ADAR: variants seen among roughly 807,000 people sequenced by gnomAD.
The protein encoded by ADAR is adenosine deaminase RNA specific, also known as double-stranded RNA-specific adenosine deaminase.
ADAR carries 41 observed loss-of-function variants against 113.2 expected under a neutral mutation model. The ratio of observed to expected loss-of-function variants is 0.36; its 90% CI spans 0.28 to 0.47. The LOEUF (loss-of-function observed/expected upper bound fraction) is 0.47, where lower values mean the gene tolerates loss of function less well. Among genes scored for constraint, ADAR ranks in the 20% least tolerant of loss-of-function variants. ADAR has a pLI of 1.00. For missense variants in ADAR, 1,242 were observed against 1,540.9 expected, an observed-to-expected ratio of 0.81 and a Z score of 3.25; for synonymous variants, 605 against 572.6, an observed-to-expected ratio of 1.06 and a Z score of -0.81.
chr1:154,585,632 C>T, intron 13 of ADAR, 121 bp downstream of exon 13: 1 of 973,180 alleles, frequency 1.0e-6, no homozygotes, highest in South Asian at 1.4e-5. Context: ...GGGCAATGTT[C>T]CCTTGTGGGC....
intron 2 of ADAR, among the ~76,000 whole-genome samples, chr1:154,599,071 T>G (rs1365677711): frequency 6.6e-6 from 1 of 152,234 alleles, no homozygotes; most frequent in Non-Finnish European, 1.5e-5. Context: ...CTGCCACTTA[T>G]CAGTGGCCTG....
intron 6 of ADAR, among the ~76,000 whole-genome samples, chr1:154,594,240 C>CT (rs1557875983): frequency 1.3e-5 from 2 of 152,150 alleles, no homozygotes; most frequent in Non-Finnish European, 2.9e-5. Flanking sequence ...TTTTTATAAG[C>CT]TTTTTTCCTT....
At position 154,582,515 on chromosome 1, in the gene ADAR, C is replaced by G. The variant is rs147198769; in HGVS notation, c.*2291G>C. 6.6e-6 allele frequency: 1 copy of G among 151,948 alleles called. No individual in the cohort carries two copies. Among genetic ancestry groups the G allele is most frequent in the African/African-American group, 2.4e-5 (1 of 41,340 alleles). The allele number at this position is 151,948 out of a possible 1,614,324, so 9.4% of individuals were successfully genotyped here. On this transcript the variant is annotated 3_prime_UTR_variant, in exon 15 of 15. Transcript: ENST00000368474. The stretch of plus-strand genomic sequence containing the variant: ...CAGGGATGTGCGATCTGACACGGCT[C>G]GTTTCCAGCAGATGCGTGGAATTCA...
intron 11 of ADAR, 21 bp downstream of exon 11, chr1:154,588,104 G>T (rs1696883113): frequency 6.2e-7 from 1 of 1,612,814 alleles, no homozygotes; most frequent in African/African-American, 1.3e-5. Flanking sequence ...AGGAAAGGAG[G>T]CGGGGGCATG....
chr1:154,588,895 G>A (rs775392046), intron 9 of ADAR, among the ~76,000 whole-genome samples: 6 of 152,162 alleles, frequency 3.9e-5, no homozygotes, highest in Admixed American at 6.5e-5. Flanking sequence ...TCGCTATGGC[G>A]GCTACAGGGA....
intron 11 of ADAR, among the ~76,000 whole-genome samples, chr1:154,587,462 A>G (rs887762466): frequency 1.3e-5 from 2 of 152,140 alleles, no homozygotes; most frequent in African/African-American, 2.4e-5. Flanking sequence ...GAACATTCAC[A>G]TATTAGTTTC....
At chr1:154,599,497 T>C (rs576666157) in intron 2 of ADAR, among the ~76,000 whole-genome samples, 85 of 152,124 alleles carry the variant, frequency 5.6e-4, no homozygotes, top group Non-Finnish European at 1.1e-3. Flanking sequence ...CTTGCCAGCT[T>C]TTGGACAGAC....
intron 1 of ADAR, among the ~76,000 whole-genome samples, chr1:154,617,844 T>G (rs1246328181): frequency 6.6e-6 from 1 of 151,966 alleles, no homozygotes; most frequent in Non-Finnish European, 1.5e-5. Flanking sequence ...TGGAAATTCT[T>G]ACATATTCTA....
intron 6 of ADAR, among the ~76,000 whole-genome samples, chr1:154,590,788 A>T (rs868619343): frequency 0.11 from 211 of 1,948 alleles, no homozygotes; most frequent in African/African-American, 0.19. Flanking sequence ...CTGTCTCTTA[A>T]AAAAAAAAAA....
chr1:154,585,430 AG>A (rs1307069849), intron 13 of ADAR, 86 bp from the exon 14 acceptor site: 2 of 1,594,744 alleles, frequency 1.3e-6, no homozygotes, highest in Non-Finnish European at 8.6e-7. Context: ...CATAGGAGAG[AG>A]GAAGTGTGGG....
intron 2 of ADAR, 59 bp downstream of exon 2, chr1:154,600,982 C>A: frequency 6.2e-7 from 1 of 1,607,244 alleles, no homozygotes; most frequent in Non-Finnish European, 8.5e-7. Context: ...GCCAAGACTG[C>A]GTCAGGAGCA....
chr1:154,583,100 T>C lies in ADAR; in HGVS notation c.*1706A>G, dbSNP rs1416923437. 1.3e-5 allele frequency: 2 copies of C among 152,264 alleles called. No homozygotes were observed. Among genetic ancestry groups the C allele is most frequent in the African/African-American group, 4.8e-5 (2 of 41,464 alleles). The allele number at this position is 152,264 out of a possible 1,614,324, so 9.4% of individuals were successfully genotyped here. ...TTGGAGGGAAATCATCTGAGGGTGCTGGCTCAGCACGTTCCCAGATGAAGG... is the reference window on the plus strand; with the variant it reads ...TTGGAGGGAAATCATCTGAGGGTGCCGGCTCAGCACGTTCCCAGATGAAGG... On this transcript the variant is annotated 3_prime_UTR_variant, in exon 15 of 15. Coordinates refer to ENST00000368474, the MANE Select transcript of ADAR (RefSeq NM_001111.5).
rs570740987 is a variant in ADAR at position 154,585,432 on chromosome 1, G to A, written c.3316-88C>T. The A allele has an allele frequency of 5.7e-5, 90 of 1,585,694 alleles. No homozygotes were observed. In the Middle Eastern group the frequency reaches 8.3e-4, roughly 15 times the overall value. On this transcript the variant is annotated intron_variant, in intron 13 of 14. Transcript: ENST00000368474. ...GGGACTCAAGACTCATAGGAGAGAG[G>A]AAGTGTGGGGTCATGATCTTTCCCC...
At chr1:154,597,385 G>T in intron 4 of ADAR, 118 bp from the exon 5 acceptor site, 1 of 1,239,166 alleles carries the variant, frequency 8.1e-7, no homozygotes, top group Non-Finnish European at 1.1e-6. Context: ...CATCACCTCT[G>T]TGCAGTCACA....
chr1:154,585,091 G>A (rs1163372021), intron 14 of ADAR, 48 bp from the exon 15 acceptor site: 2 of 1,610,518 alleles, frequency 1.2e-6, no homozygotes, highest in South Asian at 1.1e-5. Context: ...TGTAAGATAA[G>A]GAGCTCACAG....
intron 1 of ADAR, among the ~76,000 whole-genome samples, chr1:154,603,640 C>G (rs1007739986): frequency 6.6e-6 from 1 of 152,140 alleles, no homozygotes; most frequent in East Asian, 1.9e-4. Context: ...TCCCCACCCA[C>G]CCACCTGCAA....
intron 6 of ADAR, among the ~76,000 whole-genome samples, chr1:154,596,585 C>T (rs1443894293): frequency 1.3e-5 from 2 of 152,046 alleles, no homozygotes; most frequent in African/African-American, 4.8e-5. Flanking sequence ...AAAATTAAAA[C>T]TAGTCAAAAA....
chr1:154,619,296 G>A (rs1258594522), intron 1 of ADAR, among the ~76,000 whole-genome samples: 1 of 152,146 alleles, frequency 6.6e-6, no homozygotes, highest in African/African-American at 2.4e-5. Flanking sequence ...TGATACATGT[G>A]ATACATTTGT....
chr1:154,596,690 T>C, intron 6 of ADAR, 115 bp downstream of exon 6: 3 of 1,220,860 alleles, frequency 2.5e-6, no homozygotes, highest in South Asian at 2.5e-5. Flanking sequence ...GCTGGACTTG[T>C]TTCCCTCAAC....
Sources: allele counts gnomAD v4.1 joint callset (sites outside exome capture counted in the v4.1 genomes callset), GRCh38; gene constraint gnomAD v4.1.1; transcripts MANE v1.5; gene names NCBI Gene and HGNC (gene_info 2026-07-23, HGNC 2026-07-21).